Variants in VAMP5 observed in about 807,000 individuals in gnomAD.
VAMP5 encodes the protein vesicle associated membrane protein 5.
A neutral mutation model predicts 8.1 loss-of-function variants in VAMP5; 10 were observed. The observed-to-expected ratio is 1.23, with a 90% CI of 0.76 to 2.09. The LOEUF is 2.09. VAMP5 is among the 30% of genes most tolerant of loss of function. The pLI is 0.00. For synonymous variants in VAMP5, 62 were observed against 60.6 expected, an observed-to-expected ratio of 1.02 and a Z score of -0.11; for missense variants, 135 against 152.5, an observed-to-expected ratio of 0.89 and a Z score of 0.60.
intron 1 of VAMP5, among the ~76,000 whole-genome samples, chr2:85,588,644 T>A (rs1036427259): frequency 6.6e-6 from 1 of 152,204 alleles, no homozygotes; most frequent in Admixed American, 6.5e-5. Context: ...AGAGAAATTA[T>A]CCTGAAGCAC....
At chr2:85,592,918 C>T in intron 2 of VAMP5, 30 bp from the exon 3 acceptor site, 1 of 1,609,566 alleles carries the variant, frequency 6.2e-7, no homozygotes, top group Non-Finnish European at 8.5e-7. Flanking sequence ...TGCCAGCTAA[C>T]TCCCACTTTG....
At chr2:85,586,368 A>G (rs1271033995) in intron 1 of VAMP5, among the ~76,000 whole-genome samples, 1 of 152,094 alleles carries the variant, frequency 6.6e-6, no homozygotes. Context: ...CGAGTTCAAC[A>G]GTTCAAGACC....
Position 85,593,334 on chromosome 2 carries a change from T to TC in VAMP5, c.*177_*178insC. The TC allele has an allele frequency of 1.4e-6, 1 of 695,922 alleles. No homozygotes were observed. The allele number at this position is 695,922 out of a possible 1,614,324, so 43.1% of individuals were successfully genotyped here. A position where few individuals can be genotyped will look rare whatever the true frequency, so the allele number is the denominator to read the frequency against. On this transcript the variant is annotated 3_prime_UTR_variant, in exon 3 of 3. Coordinates refer to ENST00000306384, the MANE Select transcript of VAMP5 (RefSeq NM_006634.3). ...ACTGGCCCTTGAGGGCAGCCTGCTG[T>TC]ACTGGCCATGCTGGGCCAGCCCCAC...
In VAMP5 at chr2:85,584,489, C is replaced by A; in HGVS notation, c.-2C>A. 1 of 1,243,322 alleles carries A rather than the reference C, an allele frequency of 8.0e-7. No homozygotes were observed. Among genetic ancestry groups the A allele is most frequent in the Non-Finnish European group, 1.0e-6 (1 of 994,992 alleles). 77.0% of individuals were successfully genotyped at this position (1,243,322 alleles called of 1,614,324 possible). ...GCGGGCGAGGCGGCGGCGGCAGCAG[C>A]GATGGTGAGGGCCCAGGCGGGGCCG... On this transcript the variant is annotated 5_prime_UTR_variant, in exon 1 of 3. Coordinates refer to ENST00000306384, the MANE Select transcript of VAMP5 (RefSeq NM_006634.3).
At position 85,592,127 on chromosome 2, in the gene VAMP5, G is replaced by C. The variant is rs182937563; in HGVS notation, c.141+265G>C. ...TGTTTCTTTTTTACTTTGAGACAGAGTCTCACTCTGTCGCCCAGGCTAGTA... is the reference window on the plus strand; with the variant it reads ...TGTTTCTTTTTTACTTTGAGACAGACTCTCACTCTGTCGCCCAGGCTAGTA... On this transcript the variant is annotated intron_variant, in intron 2 of 2. Coordinates refer to ENST00000306384, the MANE Select transcript of VAMP5 (RefSeq NM_006634.3). Among the ~76,000 whole-genome samples, 78 of 152,314 alleles carry C rather than the reference G, an allele frequency of 5.1e-4. 1 individual carries two copies. The highest frequency in any genetic ancestry group is 3.4e-3 in the Middle Eastern group (1 of 294).
Position 85,591,772 on chromosome 2 carries a change from G to A in VAMP5, c.51G>A (p.Thr17=), listed in dbSNP as rs755493983. 5.6e-6 allele frequency: 9 copies of A among 1,614,140 alleles called. No individual in the cohort carries two copies. The highest frequency in any genetic ancestry group is 2.7e-5 in the African/African-American group (2 of 75,026). The part of the protein sequence containing the change: ...ERCQQQANEV[T]EIMRNNFGKV... Reference sequence around the variant, plus strand: ...GCCAGCAGCAGGCGAACGAGGTGACGGAAATTATGCGTAACAACTTCGGCA... The same window carrying A: ...GCCAGCAGCAGGCGAACGAGGTGACAGAAATTATGCGTAACAACTTCGGCA... The change falls in exon 2 of 3, where the codon ACG becomes ACA. Residue 17 remains threonine, a synonymous_variant. Coordinates refer to ENST00000306384, the MANE Select transcript of VAMP5 (RefSeq NM_006634.3).
At position 85,591,730 on chromosome 2, in the gene VAMP5, A is replaced by C. The variant is rs1473756693; in HGVS notation, c.9A>C (p.Gly3=). The part of the protein sequence containing the change: MA[G]IELERCQQQA... ...ACCTCGGGCTTGGTGTCCAGGCAGG[A>C]ATAGAGTTGGAGCGGTGCCAGCAGC... The change falls in exon 2 of 3, where the codon GGA becomes GGC. Residue 3 remains glycine (G), a synonymous_variant. Transcript: ENST00000306384. 6.2e-7 allele frequency: 1 copy of C among 1,614,028 alleles called. No homozygotes were observed. The highest frequency in any genetic ancestry group is 2.2e-5 in the East Asian group (1 of 44,872).
In VAMP5 at chr2:85,593,303, C is replaced by A; in HGVS notation, c.*146C>A. 1.1e-6 allele frequency: 1 copy of A among 886,556 alleles called. No homozygotes were observed. Among genetic ancestry groups the A allele is most frequent in the Non-Finnish European group, 1.8e-6 (1 of 571,284 alleles). The allele number at this position is 886,556 out of a possible 1,614,324, so 54.9% of individuals were successfully genotyped here. On this transcript the variant is annotated 3_prime_UTR_variant, in exon 3 of 3. Transcript: ENST00000306384. ...GTGCACCCCTGCATTTCCTGTCATG[C>A]CACAGACTGGCCCTTGAGGGCAGCC...
intron 1 of VAMP5, among the ~76,000 whole-genome samples, chr2:85,590,383 T>A (rs954427483): frequency 7.2e-5 from 11 of 152,166 alleles, no homozygotes; most frequent in Non-Finnish European, 1.5e-5. Flanking sequence ...CCCGGTGGGA[T>A]GGTGGTGGAC....
rs1672466211 is a variant in VAMP5 at position 85,586,781 on chromosome 2, A to G, written c.3+2288A>G. Reference sequence around the variant, plus strand: ...AGCCTGCCGTGCCAGATGAAAATAAACTAGATGCAGCCGGGCGCGGTGGCT... The same window carrying G: ...AGCCTGCCGTGCCAGATGAAAATAAGCTAGATGCAGCCGGGCGCGGTGGCT... On this transcript the variant is annotated intron_variant, in intron 1 of 2. Coordinates refer to ENST00000306384, the MANE Select transcript of VAMP5 (RefSeq NM_006634.3). 2.0e-5 allele frequency among the ~76,000 whole-genome samples: 3 copies of G among 149,464 alleles called. No homozygotes were observed. The South Asian group carries it at 6.4e-4, about 32-fold the overall frequency.
chr2:85,585,384 C>G (rs773203265), intron 1 of VAMP5, among the ~76,000 whole-genome samples: 1 of 152,200 alleles, frequency 6.6e-6, no homozygotes, highest in Non-Finnish European at 1.5e-5. Context: ...CTTGGAGAAA[C>G]TGACAGAGGT....
rs1258454362 is a variant in VAMP5 at position 85,593,041 on chromosome 2, G to T, written c.235G>T (p.Gly79Cys). Residue 79 changes from glycine to cysteine, a missense_variant, in exon 3 of 3, where the codon GGT becomes TGT. Physicochemically the swap from Gly to Cys is radical, Grantham distance 159. Coordinates refer to ENST00000306384, the MANE Select transcript of VAMP5 (RefSeq NM_006634.3). ...YRICVGLVVVGVLLIILIVLL... is the reference protein window; with the variant it reads ...YRICVGLVVVCVLLIILIVLL... ...GATCTGCGTGGGGCTGGTGGTGGTT[G>T]GTGTCCTGCTCATCATCCTGATTGT... The T allele has an allele frequency of 1.9e-6, 3 of 1,614,100 alleles. No individual in the cohort carries two copies. The highest frequency in any genetic ancestry group is 2.5e-6 in the Non-Finnish European group (3 of 1,180,044).
At position 85,591,636 on chromosome 2, in the gene VAMP5, C is replaced by T. The variant is rs868312564; in HGVS notation, c.4-89C>T. 53 of 1,578,086 alleles carry T rather than the reference C, an allele frequency of 3.4e-5. No individual in the cohort carries two copies. The Middle Eastern group carries it at 1.4e-3, about 41-fold the overall frequency. On this transcript the variant is annotated intron_variant, in intron 1 of 2. Transcript: ENST00000306384. ...GTTACTCTCATGCTGTACCCACCTA[C>T]AGGGGGAGAAGGAGGCTTCTAGATC...
At chr2:85,590,634 G>A (rs1672525567) in intron 1 of VAMP5, among the ~76,000 whole-genome samples, 1 of 152,224 alleles carries the variant, frequency 6.6e-6, no homozygotes, top group Non-Finnish European at 1.5e-5. Context: ...TAGACAATGG[G>A]TGACGTGGGC....
At chr2:85,587,598 G>T (rs1672484121) in intron 1 of VAMP5, among the ~76,000 whole-genome samples, 1 of 151,750 alleles carries the variant, frequency 6.6e-6, no homozygotes, top group African/African-American at 2.4e-5. Flanking sequence ...AAAAAAAGGA[G>T]CTAGGGAAAT....
intron 1 of VAMP5, among the ~76,000 whole-genome samples, 193 bp downstream of exon 1, chr2:85,584,686 T>C (rs1005540144): frequency 3.3e-5 from 5 of 152,272 alleles, no homozygotes; most frequent in Admixed American, 3.3e-4. Context: ...GGGAGAGAAA[T>C]GCGTGAGCCC....
Position 85,591,761 on chromosome 2 carries a change from A to T in VAMP5, c.40A>T (p.Asn14Tyr), listed in dbSNP as rs1558825313. 1 of 1,614,150 alleles carries T rather than the reference A, an allele frequency of 6.2e-7. No homozygotes were observed. The highest frequency in any genetic ancestry group is 1.3e-5 in the African/African-American group (1 of 75,022). Reference protein sequence around the residue: ...IELERCQQQANEVTEIMRNNF... With the variant: ...IELERCQQQAYEVTEIMRNNF... ...GTTGGAGCGGTGCCAGCAGCAGGCGAACGAGGTGACGGAAATTATGCGTAA... is the reference window on the plus strand; with the variant it reads ...GTTGGAGCGGTGCCAGCAGCAGGCGTACGAGGTGACGGAAATTATGCGTAA... Residue 14 changes from asparagine (N) to tyrosine (Y), a missense_variant, in exon 2 of 3, where the codon AAC (asparagine) becomes TAC (tyrosine). Physicochemically the swap from Asn to Tyr is moderately radical, Grantham distance 143. Transcript: ENST00000306384.
intron 1 of VAMP5, among the ~76,000 whole-genome samples, chr2:85,590,808 T>C (rs1362993460): frequency 6.6e-6 from 1 of 152,228 alleles, no homozygotes; most frequent in Non-Finnish European, 1.5e-5. Context: ...TACCAGGGCC[T>C]CCTGCCTGGT....
intron 1 of VAMP5, among the ~76,000 whole-genome samples, chr2:85,586,884 G>C (rs1184112621): frequency 6.6e-6 from 1 of 152,032 alleles, no homozygotes; most frequent in African/African-American, 2.4e-5. Context: ...GACCACCCTG[G>C]CTAACACGGT....
Sources: allele counts gnomAD v4.1 joint callset (sites outside exome capture counted in the v4.1 genomes callset), GRCh38; gene constraint gnomAD v4.1.1; transcripts MANE v1.5; gene names NCBI Gene and HGNC (gene_info 2026-07-23, HGNC 2026-07-21).